Variants in FMNL3 observed in about 807,000 individuals in gnomAD.
FMNL3 encodes formin like 3.
A neutral mutation model predicts 119.6 loss-of-function variants in FMNL3; 57 were observed. The ratio of observed to expected loss-of-function variants is 0.48; its 90% CI spans 0.39 to 0.59. The LOEUF is 0.59. Ranked by LOEUF, FMNL3 falls within the 20% of genes least tolerant of loss-of-function variation. The pLI, the probability that FMNL3 is intolerant of heterozygous loss-of-function variation, is 0.00. For synonymous variants in FMNL3, 491 were observed against 507.3 expected, an observed-to-expected ratio of 0.97 and a Z score of 0.43; for missense variants, 1,053 against 1,323.5, an observed-to-expected ratio of 0.80 and a Z score of 3.17.
intron 12 of FMNL3, among the ~76,000 whole-genome samples, 167 bp from the exon 13 acceptor site, chr12:49,653,494 C>T (rs1943472625): frequency 6.6e-6 from 1 of 152,230 alleles, no homozygotes. Flanking sequence ...ACAAAGGCCA[C>T]ATTCTGACTG....
chr12:49,646,098 G>C (rs1370318148), intron 25 of FMNL3, among the ~76,000 whole-genome samples, 195 bp from the exon 26 acceptor site: 1 of 152,134 alleles, frequency 6.6e-6, no homozygotes. Context: ...GCATTTCAGA[G>C]GATCAGGTTG....
Position 49,647,457 on chromosome 12 carries a change from TG to T in FMNL3, c.2779-90del, listed in dbSNP as rs372629478. The T allele has an allele frequency of 1.3e-4, 182 of 1,412,964 alleles. No homozygotes were observed. The African/African-American group carries it at 2.2e-3, about 17-fold the overall frequency. 87.5% of individuals were successfully genotyped at this position (1,412,964 alleles called of 1,614,324 possible). The stretch of plus-strand genomic sequence containing the variant: ...CACTGAGGTGGAGAGTGGGTGGCAG[TG>T]GGACCCGCTAACTCCAGGTGGCCAC... On this transcript the variant is annotated intron_variant, in intron 23 of 25. Transcript: ENST00000335154. This position sits in a 1 kb window ranked among gnomAD's most constrained non-coding sequence, Gnocchi z 4.9.
At chr12:49,674,827 C>T (rs990756485) in intron 1 of FMNL3, among the ~76,000 whole-genome samples, 2 of 152,132 alleles carry the variant, frequency 1.3e-5, no homozygotes, top group African/African-American at 2.4e-5. Context: ...TGAGCAGTTA[C>T]GGGCCAAGTC....
At chr12:49,699,715 CAT>C (rs765747456) in intron 1 of FMNL3, among the ~76,000 whole-genome samples, 20 of 152,108 alleles carry the variant, frequency 1.3e-4, no homozygotes, top group South Asian at 6.2e-4. Context: ...ACATTTATTA[CAT>C]AGACATATGT....
chr12:49,652,140 G>A lies in FMNL3; in HGVS notation c.1396C>T (p.Gln466Ter), dbSNP rs1357643655. 6.2e-7 allele frequency: 1 copy of A among 1,613,168 alleles called. No homozygotes were observed. The highest frequency in any genetic ancestry group is 2.2e-5 in the East Asian group (1 of 44,896). Reference sequence around the variant, plus strand: ...TTTGGCTCCAAATGACATCGACGCTGAAAGGCCTCCTCCTTCTCTTTAATG... The same window carrying A: ...TTTGGCTCCAAATGACATCGACGCTAAAAGGCCTCCTCCTTCTCTTTAATG... The part of the protein sequence containing the change: ...RLIKEKEEAF[Q>*]RRCHLEPNVR... The change falls in exon 14 of 26, where the codon CAG becomes TAG. Residue 466 changes from glutamine to a stop codon, truncating the protein, a stop_gained. Coordinates refer to ENST00000335154, the MANE Select transcript of FMNL3 (RefSeq NM_175736.5). LOFTEE classifies it high-confidence loss of function.
intron 1 of FMNL3, among the ~76,000 whole-genome samples, chr12:49,693,303 G>A (rs952664149): frequency 1.3e-5 from 2 of 152,156 alleles, no homozygotes; most frequent in African/African-American, 4.8e-5. Context: ...CAGGGCGGTG[G>A]CAGTAGAGAA....
At chr12:49,681,750 G>T (rs1324923557) in intron 1 of FMNL3, among the ~76,000 whole-genome samples, 1 of 150,444 alleles carries the variant, frequency 6.6e-6, no homozygotes, top group Non-Finnish European at 1.5e-5. Flanking sequence ...TAGAGACAGG[G>T]CCTCGCTATG....
At chr12:49,678,523 C>T (rs1944254460) in intron 1 of FMNL3, among the ~76,000 whole-genome samples, 1 of 151,420 alleles carries the variant, frequency 6.6e-6, no homozygotes, top group South Asian at 2.1e-4. Flanking sequence ...AGTGCAGTGG[C>T]ACAATCTTGG....
chr12:49,656,746 C>T, intron 8 of FMNL3, 77 bp downstream of exon 8: 1 of 1,398,268 alleles, frequency 7.2e-7, no homozygotes, highest in Middle Eastern at 1.8e-4. Context: ...CCAGGCAGAA[C>T]TTGTCAGGAA....
intron 1 of FMNL3, among the ~76,000 whole-genome samples, chr12:49,700,484 G>A (rs569538101): frequency 6.6e-6 from 1 of 151,720 alleles, no homozygotes; most frequent in Admixed American, 6.6e-5. Flanking sequence ...GGAGGCCGAG[G>A]CAGGTGGGTC....
rs534090879 is a variant in FMNL3 at position 49,646,536 on chromosome 12, C to T, written c.2995+350G>A. ...TGTGTCCCCATTGCTGGGAGGCTGC[C>T]AGAGGGTGATTGCAAGTCATGCAGG... On this transcript the variant is annotated intron_variant, in intron 25 of 25. Coordinates refer to ENST00000335154, the MANE Select transcript of FMNL3 (RefSeq NM_175736.5). 3.1e-5 allele frequency: 28 copies of T among 911,230 alleles called. No homozygotes were observed. In the East Asian group the frequency reaches 7.4e-4, roughly 24 times the overall value. 56.4% of individuals were successfully genotyped at this position (911,230 alleles called of 1,614,324 possible). A position where few individuals can be genotyped will look rare whatever the true frequency, so the allele number is the denominator to read the frequency against.
intron 1 of FMNL3, among the ~76,000 whole-genome samples, chr12:49,678,116 C>T (rs991956825): frequency 6.6e-6 from 1 of 151,874 alleles, no homozygotes; most frequent in Non-Finnish European, 1.5e-5. Context: ...CCTGACTCGG[C>T]CTCCCAAAGT....
chr12:49,658,329 G>A (rs1943633714), intron 6 of FMNL3, 113 bp downstream of exon 6: 1 of 1,413,612 alleles, frequency 7.1e-7, no homozygotes. Context: ...GGGCAAGAGA[G>A]CTGAGCCTGG....
chr12:49,686,100 T>C (rs1356055640), intron 1 of FMNL3, among the ~76,000 whole-genome samples: 1 of 151,758 alleles, frequency 6.6e-6, no homozygotes, highest in East Asian at 2.0e-4. Context: ...ATTTAAAATG[T>C]TTTGGTTTTT....
At chr12:49,646,642 T>A in intron 25 of FMNL3, 1 of 1,524,732 alleles carries the variant, frequency 6.6e-7, no homozygotes. Context: ...CCAGTACCTG[T>A]CGGGCCCCAA....
At chr12:49,701,197 T>G (rs1944901939) in intron 1 of FMNL3, among the ~76,000 whole-genome samples, 1 of 152,054 alleles carries the variant, frequency 6.6e-6, no homozygotes, top group Admixed American at 6.5e-5. Context: ...TGATCCCAAT[T>G]GTTAAAAAAT....
intron 13 of FMNL3, 105 bp from the exon 14 acceptor site, chr12:49,652,317 C>T: frequency 6.8e-7 from 1 of 1,463,784 alleles, no homozygotes; most frequent in Non-Finnish European, 9.0e-7. Flanking sequence ...GGGTCTCTGT[C>T]AGGGTACTCA....
rs1565867473 is a variant in FMNL3 at position 49,650,775 on chromosome 12, C to T, written c.1901G>A (p.Ser634Asn). 2 of 1,614,240 alleles carry T rather than the reference C, an allele frequency of 1.2e-6. No individual in the cohort carries two copies. ...SKNKTAQKAA[S>N]KVTLLEANRA... ...ATTGGCTTCCAACAGAGTCACCTTG[C>T]TGGCAGCTTTTTGCGCTGTCTTGTT... Residue 634 changes from serine to asparagine, a missense_variant, in exon 17 of 26, where the codon AGC becomes AAC. Around this residue, in one of 4 missense-constraint regions of FMNL3, gnomAD observed 445 missense variants for 628.4 expected, o/e 0.71. Coordinates refer to ENST00000335154, the MANE Select transcript of FMNL3 (RefSeq NM_175736.5).
chr12:49,675,496 G>A (rs1944162367), intron 1 of FMNL3, among the ~76,000 whole-genome samples: 1 of 152,198 alleles, frequency 6.6e-6, no homozygotes, highest in Admixed American at 6.5e-5. Flanking sequence ...CCAATGGGCA[G>A]TGCTACCTCT....
Sources: gnomAD v4.1 joint callset for allele counts (sites outside exome capture counted in the v4.1 genomes callset) on GRCh38, gnomAD v4.1.1 for gene constraint, gnomAD v4.1.1 regional missense constraint, Gnocchi (gnomAD v3.1) non-coding constraint, MANE v1.5 for transcripts, NCBI Gene and HGNC (gene_info 2026-07-23, HGNC 2026-07-21) for gene names.